Variants in ATP7A observed in about 807,000 individuals in gnomAD.
ATP7A encodes ATPase copper transporting alpha.
In ATP7A, 7 loss-of-function variants were observed where a neutral mutation model predicts 83.5. The observed-to-expected ratio is 0.08, with a 90% CI of 0.05 to 0.16. ATP7A has a LOEUF of 0.16. Ranked by LOEUF, ATP7A falls within the 10% of genes least tolerant of loss-of-function variation. The pLI, the probability that ATP7A is intolerant of heterozygous loss-of-function variation, is 1.00. For missense variants in ATP7A, 940 were observed against 1,120.8 expected, an observed-to-expected ratio of 0.84 and a Z score of 2.30; for synonymous variants, 354 against 395.2, an observed-to-expected ratio of 0.90 and a Z score of 1.24.
intron 4 of ATP7A, among the ~76,000 whole-genome samples, chrX:77,995,444 T>C (rs1478131278): frequency 9.3e-6 from 1 of 107,033 alleles, no homozygotes; most frequent in Non-Finnish European, 1.9e-5. Context: ...GGTGGGCGCC[T>C]GTAATCCCAG....
chrX:77,959,586 G>T (rs1218832073), intron 1 of ATP7A, among the ~76,000 whole-genome samples: 1 of 112,101 alleles, frequency 8.9e-6, no homozygotes, highest in South Asian at 3.7e-4. Context: ...AACCAAAAGT[G>T]TCTCCAGACA....
chrX:77,941,524 T>A (rs917530556), intron 1 of ATP7A, among the ~76,000 whole-genome samples: 4 of 111,478 alleles, frequency 3.6e-5, no homozygotes, highest in African/African-American at 1.3e-4. Flanking sequence ...CATGAGTCAC[T>A]GCACCTGGCA....
At chrX:77,939,427 G>A (rs782111731) in intron 1 of ATP7A, among the ~76,000 whole-genome samples, 11 of 110,616 alleles carry the variant, frequency 9.9e-5, no homozygotes, top group Non-Finnish European at 1.7e-4. Flanking sequence ...CAGTATGGCC[G>A]GGTCAGAGAG....
intron 7 of ATP7A, 120 bp downstream of exon 7, chrX:78,009,383 C>A: frequency 2.5e-6 from 2 of 809,269 alleles, no homozygotes; most frequent in Non-Finnish European, 3.7e-6. Flanking sequence ...TTGAACACTT[C>A]AAACAAGATC....
chrX:78,040,860 C>A, intron 19 of ATP7A, 127 bp downstream of exon 19: 1 of 881,160 alleles, frequency 1.1e-6, no homozygotes, highest in Non-Finnish European at 1.6e-6. Context: ...CTGGTTCCTT[C>A]AAGAAAATTT....
intron 14 of ATP7A, among the ~76,000 whole-genome samples, chrX:78,022,470 T>C (rs1186755730): frequency 1.9e-5 from 2 of 104,404 alleles, no homozygotes; most frequent in African/African-American, 7.0e-5. Context: ...TATTTTTTAT[T>C]CAGGAGGTAC....
At chrX:78,036,608 C>T (rs1557237771) in intron 17 of ATP7A, among the ~76,000 whole-genome samples, 2 of 111,495 alleles carry the variant, frequency 1.8e-5, no homozygotes, top group African/African-American at 6.5e-5. Flanking sequence ...AAACCGGGCG[C>T]GGTGACTCAC....
intron 1 of ATP7A, among the ~76,000 whole-genome samples, chrX:77,960,348 C>T (rs2077468111): frequency 8.9e-6 from 1 of 112,437 alleles, no homozygotes. Flanking sequence ...CTCCACTGCA[C>T]TCCCGCCTGA....
chrX:78,026,419 G>A (rs1314733024), intron 14 of ATP7A, among the ~76,000 whole-genome samples: 6 of 112,065 alleles, frequency 5.4e-5, no homozygotes, highest in Non-Finnish European at 1.1e-4. Flanking sequence ...CAACATTGGA[G>A]CATCCAGATT....
chrX:77,914,249 T>G (rs1157568596), intron 1 of ATP7A, among the ~76,000 whole-genome samples: 1 of 109,788 alleles, frequency 9.1e-6, no homozygotes, highest in African/African-American at 3.3e-5. Context: ...TTATTATTTT[T>G]TAAATAATAT....
At chrX:77,918,951 G>A (rs782533081) in intron 1 of ATP7A, among the ~76,000 whole-genome samples, 9 of 110,871 alleles carry the variant, frequency 8.1e-5, no homozygotes, top group Non-Finnish European at 1.1e-4. Context: ...TAATCCAACA[G>A]ATAAAAATTA....
At position 77,987,164 on chromosome X, in the gene ATP7A, T is replaced by G. The variant is rs143608260; in HGVS notation, c.121-1078T>G. Among the ~76,000 whole-genome samples, 594 of 111,666 alleles carry G rather than the reference T, an allele frequency of 5.3e-3. 2 individuals are homozygous for G. The highest frequency in any genetic ancestry group is 0.049 in the South Asian group (130 of 2,668). ...TATCCCTTTTCTGTATTCTCTGTCCTATTGTTCCTGTGACATGTTCAGCTT... is the reference window on the plus strand; with the variant it reads ...TATCCCTTTTCTGTATTCTCTGTCCGATTGTTCCTGTGACATGTTCAGCTT... On this transcript the variant is annotated intron_variant, in intron 2 of 22. Transcript: ENST00000341514.
intron 1 of ATP7A, among the ~76,000 whole-genome samples, chrX:77,938,443 G>T (rs1275223442): frequency 8.9e-6 from 1 of 112,336 alleles, no homozygotes; most frequent in Non-Finnish European, 1.9e-5. Flanking sequence ...TTTTCAAAAG[G>T]CCTCATTCAG....
intron 5 of ATP7A, among the ~76,000 whole-genome samples, chrX:78,001,606 T>C (rs1299121646): frequency 8.9e-6 from 1 of 111,773 alleles, no homozygotes; most frequent in Non-Finnish European, 1.9e-5. Context: ...ACCCCCACTA[T>C]CCTGTTTACT....
At chrX:77,970,108 T>G (rs2077537178) in intron 1 of ATP7A, among the ~76,000 whole-genome samples, 1 of 111,206 alleles carries the variant, frequency 9.0e-6, no homozygotes, top group South Asian at 3.8e-4. Context: ...AGGAGCAGTT[T>G]CCAAGGTGGT....
chrX:78,036,600 A>T (rs1345971955), intron 17 of ATP7A, among the ~76,000 whole-genome samples: 2 of 111,368 alleles, frequency 1.8e-5, no homozygotes, highest in African/African-American at 6.5e-5. Context: ...TTAAAAGTAA[A>T]CCGGGCGCGG....
intron 1 of ATP7A, among the ~76,000 whole-genome samples, chrX:77,956,777 TTCTTTCTTTC>T (rs1841079168): frequency 9.8e-6 from 1 of 102,109 alleles, no homozygotes; most frequent in Non-Finnish European, 2.0e-5. Context: ...CTTTCTTTCT[TTCTTTCTTTC>T]TCTTTCTTTC....
intron 2 of ATP7A, among the ~76,000 whole-genome samples, chrX:77,980,674 A>T (rs960468383): frequency 3.6e-5 from 4 of 110,145 alleles, no homozygotes; most frequent in Non-Finnish European, 5.7e-5. Flanking sequence ...ACTTTTTTTT[A>T]AATTATTTTT....
At chrX:78,013,900 A>G (rs2077843885) in intron 10 of ATP7A, among the ~76,000 whole-genome samples, 1 of 107,708 alleles carries the variant, frequency 9.3e-6, no homozygotes. Context: ...TTCTAAGTTA[A>G]TAGACATTAA....
Sources: allele counts gnomAD v4.1 joint callset (sites outside exome capture counted in the v4.1 genomes callset), GRCh38; gene constraint gnomAD v4.1.1; transcripts MANE v1.5; gene names NCBI Gene and HGNC (gene_info 2026-07-23, HGNC 2026-07-21).